PDCD6: variants seen among roughly 807,000 people sequenced by gnomAD.
The protein encoded by PDCD6 is programmed cell death protein 6.
Under a neutral mutation model 28.3 loss-of-function variants are expected in PDCD6, and 12 were observed. The ratio of observed to expected loss-of-function variants is 0.42; its 90% confidence interval spans 0.27 to 0.69. The LOEUF (loss-of-function observed/expected upper bound fraction) is 0.69. Among genes scored for constraint, PDCD6 ranks in the 30% least tolerant of loss-of-function variants. The pLI, the probability that PDCD6 is intolerant of heterozygous loss-of-function variation, is 0.22. For missense variants in PDCD6, 226 were observed against 269.9 expected, an observed-to-expected ratio of 0.84 and a Z score of 1.14; for synonymous variants, 92 against 108.0, an observed-to-expected ratio of 0.85 and a Z score of 0.92.
chr5:289,510 A>G (rs1393220103), intron 2 of PDCD6: 5 of 725,834 alleles, frequency 6.9e-6, no homozygotes, highest in Non-Finnish European at 1.3e-5. Flanking sequence ...TTCTTCTACC[A>G]TAACCGAAGA....
chr5:284,796 C>G (rs1014905252), intron 2 of PDCD6, among the ~76,000 whole-genome samples: 3 of 151,528 alleles, frequency 2.0e-5, no homozygotes, highest in Non-Finnish European at 4.4e-5. Context: ...GCTGATGTAC[C>G]AGTTTGAGGG....
intron 3 of PDCD6, chr5:304,948 T>A (rs1200841063): frequency 1.3e-5 from 2 of 152,108 alleles, no homozygotes; most frequent in Non-Finnish European, 2.9e-5. Flanking sequence ...TGCCTCAGCC[T>A]CCCAAAAAGT....
intron 2 of PDCD6, chr5:289,282 A>G (rs1393199102): frequency 1.8e-6 from 1 of 541,030 alleles, no homozygotes; most frequent in African/African-American, 1.9e-5. Context: ...AACTACATAC[A>G]GGTGGGAGAA....
chr5:286,005 G>A (rs1286379587), intron 2 of PDCD6, among the ~76,000 whole-genome samples: 1 of 151,670 alleles, frequency 6.6e-6, no homozygotes, highest in Non-Finnish European at 1.5e-5. Context: ...GGTGGGAGCT[G>A]TTGTTCTAGT....
intron 2 of PDCD6, among the ~76,000 whole-genome samples, chr5:283,545 G>A (rs113494862): frequency 6.6e-6 from 1 of 152,208 alleles, no homozygotes; most frequent in Non-Finnish European, 1.5e-5. Flanking sequence ...TGCAGCTGAA[G>A]ACTCGGGGAG....
chr5:295,613 G>A (rs1209032402), intron 2 of PDCD6, among the ~76,000 whole-genome samples: 9 of 147,762 alleles, frequency 6.1e-5, no homozygotes, highest in Non-Finnish European at 9.1e-5. Context: ...TCTCCGTGAT[G>A]TTGCAGGAAT....
At chr5:288,268 TC>T (rs550575618) in intron 2 of PDCD6, among the ~76,000 whole-genome samples, 8 of 143,114 alleles carry the variant, frequency 5.6e-5, no homozygotes, top group Non-Finnish European at 1.1e-4. Context: ...ATATAACATT[TC>T]CCCCCTTAAA....
intron 3 of PDCD6, chr5:306,234 G>A (rs986873987): frequency 9.7e-5 from 23 of 238,142 alleles, no homozygotes; most frequent in African/African-American, 4.8e-4. Context: ...CAGGGGAGCT[G>A]GGGCCACTTA....
chr5:289,752 A>G (rs1261658735), intron 2 of PDCD6: 5 of 911,934 alleles, frequency 5.5e-6, no homozygotes, highest in African/African-American at 1.6e-5. Flanking sequence ...CAGGCGACCC[A>G]TTTGTTGTCA....
At chr5:280,877 G>A (rs1738523315) in intron 2 of PDCD6, among the ~76,000 whole-genome samples, 1 of 151,186 alleles carries the variant, frequency 6.6e-6, no homozygotes, top group African/African-American at 2.4e-5. Flanking sequence ...TGGGCACTTT[G>A]GGCTGTGGAT....
chr5:302,110 C>T (rs1207416806), intron 2 of PDCD6, among the ~76,000 whole-genome samples: 5 of 47,570 alleles, frequency 1.1e-4, no homozygotes, highest in African/African-American at 2.5e-4. Context: ...GTGTGTGTGC[C>T]TTGGGTTCAG....
At chr5:306,199 G>A (rs927871005) in intron 3 of PDCD6, 25 of 216,848 alleles carry the variant, frequency 1.2e-4, no homozygotes, top group Non-Finnish European at 3.9e-5. Flanking sequence ...AATTAGATTC[G>A]CGTTCTAGGC....
intron 2 of PDCD6, among the ~76,000 whole-genome samples, chr5:287,672 AC>A (rs1739055787): frequency 6.6e-6 from 1 of 152,200 alleles, no homozygotes; most frequent in South Asian, 2.1e-4. Flanking sequence ...ATAAAAAGTT[AC>A]TTTTTTTCTT....
At chr5:296,667 C>T (rs1739633008) in intron 2 of PDCD6, among the ~76,000 whole-genome samples, 1 of 152,140 alleles carries the variant, frequency 6.6e-6, no homozygotes, top group Non-Finnish European at 1.5e-5. Context: ...TTTGGGGCTG[C>T]AGGAATTCAG....
rs1411233854 is a variant in PDCD6 at position 307,589 on chromosome 5, G to A, written c.367+829G>A. On this transcript the variant is annotated intron_variant, in intron 4 of 5. Coordinates refer to ENST00000264933, the MANE Select transcript of PDCD6 (RefSeq NM_013232.4). This position sits in a 1 kb window ranked among gnomAD's most constrained non-coding sequence, Gnocchi z 6.1. ...AGGAAGCAGGGGTTTTATTTACAGA[G>A]GAACAACGGGCATGTTTGGGGCCAG... Among the ~76,000 whole-genome samples, 1 of 152,170 alleles carries A rather than the reference G, an allele frequency of 6.6e-6. No individual in the cohort carries two copies. The highest frequency in any genetic ancestry group is 1.5e-5 in the Non-Finnish European group (1 of 68,032).
At position 288,004 on chromosome 5, in the gene PDCD6, A is replaced by G. The variant is rs550087804; in HGVS notation, c.163+15232A>G. Among the ~76,000 whole-genome samples, 25 of 152,316 alleles carry G rather than the reference A, an allele frequency of 1.6e-4. No homozygotes were observed. In the East Asian group the frequency reaches 4.4e-3, roughly 27 times the overall value. On this transcript the variant is annotated intron_variant, in intron 2 of 5. Transcript: ENST00000264933. ...TGAACACAATTTCCAAAAATAAAGA[A>G]TATTTTCTCATAAATAATGAAGTCT... is the stretch of plus-strand genomic sequence containing the variant.
chr5:276,779 C>G, intron 2 of PDCD6: 1 of 985,278 alleles, frequency 1.0e-6, no homozygotes, highest in Non-Finnish European at 1.2e-6. Context: ...GGTGAAACCA[C>G]ACTGAGAAGG....
In PDCD6 at chr5:283,438, T is replaced by A. The variant is rs1738718370; in HGVS notation, c.163+10666T>A. 2.0e-5 allele frequency among the ~76,000 whole-genome samples: 3 copies of A among 151,692 alleles called. No homozygotes were observed. In the South Asian group the frequency reaches 6.3e-4, roughly 32 times the overall value. Reference sequence around the variant, plus strand: ...AGGAGCTGATGTTCTAGTTTGAGGATCTTGTAGCTGCAGACCCAGAGAGGA... The same window carrying A: ...AGGAGCTGATGTTCTAGTTTGAGGAACTTGTAGCTGCAGACCCAGAGAGGA... On this transcript the variant is annotated intron_variant, in intron 2 of 5. Coordinates refer to ENST00000264933, the MANE Select transcript of PDCD6 (RefSeq NM_013232.4).
At chr5:286,504 C>T (rs142384859) in intron 2 of PDCD6, among the ~76,000 whole-genome samples, 380 of 133,784 alleles carry the variant, frequency 2.8e-3, no homozygotes, top group African/African-American at 0.01. Flanking sequence ...GCCTTCCAGC[C>T]GGAGACCCGG....
Sources: gnomAD v4.1 joint callset for allele counts (sites outside exome capture counted in the v4.1 genomes callset) on GRCh38, gnomAD v4.1.1 for gene constraint, Gnocchi (gnomAD v3.1) non-coding constraint, MANE v1.5 for transcripts, NCBI Gene and HGNC (gene_info 2026-07-23, HGNC 2026-07-21) for gene names.